Variants in NCEH1 observed in about 807,000 individuals in gnomAD.
The protein encoded by NCEH1 is 2-acetyl MAGE hydrolase.
In NCEH1, 9 loss-of-function variants were observed where a neutral mutation model predicts 25.4. That is an observed-to-expected ratio of 0.35 (90% CI 0.21 to 0.62). The LOEUF (loss-of-function observed/expected upper bound fraction) is 0.62. Ranked by LOEUF, NCEH1 falls within the 20% of genes least tolerant of loss-of-function variation. NCEH1 has a pLI of 0.72. For synonymous variants in NCEH1, 200 were observed against 199.8 expected (o/e 1.00, Z -0.01); for missense variants, 412 against 501.1 (o/e 0.82, Z 1.70).
intron 1 of NCEH1, among the ~76,000 whole-genome samples, chr3:172,710,558 G>A (rs962230876): frequency 6.6e-6 from 1 of 152,246 alleles, no homozygotes; most frequent in Non-Finnish European, 1.5e-5. Context: ...GCAAACCAAG[G>A]AAGAGGAAGA....
chr3:172,694,544 G>A (rs899197698), intron 1 of NCEH1, among the ~76,000 whole-genome samples: 1 of 152,030 alleles, frequency 6.6e-6, no homozygotes, highest in East Asian at 1.9e-4. Context: ...TATCAACATT[G>A]CCAAAGTCAA....
chr3:172,709,156 A>G (rs903963142), intron 1 of NCEH1, among the ~76,000 whole-genome samples: 1 of 152,226 alleles, frequency 6.6e-6, no homozygotes, highest in African/African-American at 2.4e-5. Flanking sequence ...CTTGTCCTTA[A>G]TGGGCTGGCA....
chr3:172,706,295 C>G (rs1408334827), intron 1 of NCEH1, among the ~76,000 whole-genome samples: 1 of 152,072 alleles, frequency 6.6e-6, no homozygotes, highest in East Asian at 1.9e-4. Flanking sequence ...TAAATTATAT[C>G]TTTCTGCTTT....
At chr3:172,682,625 C>G (rs557051614) in intron 1 of NCEH1, among the ~76,000 whole-genome samples, 1 of 152,318 alleles carries the variant, frequency 6.6e-6, no homozygotes, top group East Asian at 1.9e-4. Flanking sequence ...CAGAACAATG[C>G]TTTAGTGAAG....
rs117960892 is a variant in NCEH1 at position 172,679,675 on chromosome 3, A to G, written c.138+31172T>C. Among the ~76,000 whole-genome samples the G allele has an allele frequency of 6.6e-3, 999 of 152,104 alleles. 14 individuals carry two copies. Among genetic ancestry groups the G allele is most frequent in the African/African-American group, 0.023 (958 of 41,490 alleles). ...TATAATAAGAAACAACCCCTGAATC[A>G]TCTCTTTTATAACAGAAAAGGTGGC... is the stretch of plus-strand genomic sequence containing the variant. On this transcript the variant is annotated intron_variant, in intron 1 of 4. Transcript: ENST00000475381.
At chr3:172,705,656 A>G (rs1713938423) in intron 1 of NCEH1, among the ~76,000 whole-genome samples, 1 of 152,082 alleles carries the variant, frequency 6.6e-6, no homozygotes, top group Non-Finnish European at 1.5e-5. Context: ...TCTTCTGTCC[A>G]GCCCACCACC....
At chr3:172,650,636 G>T (rs1224534841) in intron 1 of NCEH1, among the ~76,000 whole-genome samples, 3 of 141,054 alleles carry the variant, frequency 2.1e-5, no homozygotes, top group African/African-American at 8.0e-5. Flanking sequence ...GCGACAGAGT[G>T]AGACTCCGTC....
In NCEH1 at chr3:172,651,091, G is replaced by A. The variant is rs1717385229; in HGVS notation, c.139-2977C>T. Reference sequence around the variant, plus strand: ...CTATCACTGCCTGAGTGCCTACAGTGAGTGCTAGGGTAGGTTGCTGAATTC... The same window carrying A: ...CTATCACTGCCTGAGTGCCTACAGTAAGTGCTAGGGTAGGTTGCTGAATTC... On this transcript the variant is annotated intron_variant, in intron 1 of 4. Coordinates refer to ENST00000475381, the MANE Select transcript of NCEH1 (RefSeq NM_020792.6). Among the ~76,000 whole-genome samples the A allele has an allele frequency of 2.0e-5, 3 of 152,206 alleles. No individual in the cohort carries two copies. The South Asian group carries it at 6.2e-4, about 31-fold the overall frequency.
At chr3:172,706,032 A>AAC (rs541442175) in intron 1 of NCEH1, among the ~76,000 whole-genome samples, 17 of 119,036 alleles carry the variant, frequency 1.4e-4, no homozygotes, top group African/African-American at 5.1e-4. Flanking sequence ...AAAAAAAAAA[A>AAC]CCCATGTCTT....
chr3:172,687,053 TGGTGAGAATTAAAG>T (rs1386172072), intron 1 of NCEH1, among the ~76,000 whole-genome samples: 1 of 152,220 alleles, frequency 6.6e-6, no homozygotes, highest in East Asian at 1.9e-4. Flanking sequence ...CGGACAATAA[TGGTGAGAATTAAAG>T]GGTGGGTGAC....
At chr3:172,648,239 A>G (rs769741367) in intron 1 of NCEH1, 125 bp from the exon 2 acceptor site, 5 of 1,104,250 alleles carry the variant, frequency 4.5e-6, no homozygotes, top group Non-Finnish European at 6.5e-6. Context: ...GGGCTCATTG[A>G]GCCCTTTTAA....
chr3:172,655,528 G>A (rs1020399689), intron 1 of NCEH1, among the ~76,000 whole-genome samples: 3 of 152,198 alleles, frequency 2.0e-5, no homozygotes, highest in Non-Finnish European at 4.4e-5. Flanking sequence ...GAGAGAGTTG[G>A]GGAAAGGCAA....
At chr3:172,662,328 G>A (rs1198673557) in intron 1 of NCEH1, among the ~76,000 whole-genome samples, 10 of 152,112 alleles carry the variant, frequency 6.6e-5, no homozygotes, top group South Asian at 4.1e-4. Context: ...CAACTTGATC[G>A]TGGTGGATAA....
At chr3:172,683,576 G>A (rs1343436803) in intron 1 of NCEH1, among the ~76,000 whole-genome samples, 1 of 152,104 alleles carries the variant, frequency 6.6e-6, no homozygotes, top group African/African-American at 2.4e-5. Context: ...CTACTCAGGA[G>A]GCTGAGATGG....
intron 1 of NCEH1, among the ~76,000 whole-genome samples, chr3:172,700,719 C>T (rs1642545): frequency 0.34 from 51,587 of 151,764 alleles, 9,265 homozygotes; most frequent in Non-Finnish European, 0.41. Flanking sequence ...AACTCCTGGC[C>T]TCAAGGGGTC....
intron 1 of NCEH1, among the ~76,000 whole-genome samples, chr3:172,683,716 G>C (rs900640469): frequency 1.3e-5 from 2 of 152,106 alleles, no homozygotes; most frequent in Non-Finnish European, 2.9e-5. Context: ...AATCAGACTT[G>C]GTAAAATATA....
rs1484679452 is a variant in NCEH1, at chr3:172,632,962, A to G, written c.*513T>C. 1.3e-5 allele frequency: 2 copies of G among 152,798 alleles called. No individual in the cohort carries two copies. Among genetic ancestry groups the G allele is most frequent in the Non-Finnish European group, 2.9e-5 (2 of 68,184 alleles). The allele number at this position is 152,798 out of a possible 1,614,324, so 9.5% of individuals were successfully genotyped here. A position where few individuals can be genotyped will look rare whatever the true frequency, so the allele number is the denominator to read the frequency against. On this transcript the variant is annotated 3_prime_UTR_variant, in exon 5 of 5. Coordinates refer to ENST00000475381, the MANE Select transcript of NCEH1 (RefSeq NM_020792.6). ...AAACCTTTGCCAAAATTCCCATAGG[A>G]AACAAAACCATCCATTCACAAAAGA...
chr3:172,656,730 G>A (rs1317067804), intron 1 of NCEH1, among the ~76,000 whole-genome samples: 1 of 152,030 alleles, frequency 6.6e-6, no homozygotes, highest in Non-Finnish European at 1.5e-5. Flanking sequence ...TTGCACCACT[G>A]CACTCCAGCC....
chr3:172,639,296 C>CA (rs534734447), intron 3 of NCEH1, among the ~76,000 whole-genome samples: 35,833 of 94,992 alleles, frequency 0.38, 5,062 homozygotes, highest in East Asian at 0.42. Context: ...GGCTCCGTCT[C>CA]AAAAAAAAAA....
Sources: gnomAD v4.1 joint callset for allele counts (sites outside exome capture counted in the v4.1 genomes callset) on GRCh38, gnomAD v4.1.1 for gene constraint, MANE v1.5 for transcripts, NCBI Gene and HGNC (gene_info 2026-07-23, HGNC 2026-07-21) for gene names.